Variants in CMIP observed in about 807,000 individuals in gnomAD.
The protein encoded by CMIP is c-Maf inducing protein, also known as C-Maf-inducing protein.
Under a neutral mutation model 97.3 loss-of-function variants are expected in CMIP, and 13 were observed. The ratio of observed to expected loss-of-function variants is 0.13; its 90% CI spans 0.09 to 0.21. CMIP has a LOEUF of 0.21. Among genes scored for constraint, CMIP ranks in the 10% least tolerant of loss-of-function variants. The pLI, the probability that CMIP is intolerant of heterozygous loss-of-function variation, is 1.00. For missense variants in CMIP, 847 were observed against 1,024.9 expected, an observed-to-expected ratio of 0.83 and a Z score of 2.37; for synonymous variants, 538 against 436.3, an observed-to-expected ratio of 1.23 and a Z score of -2.91.
At chr16:81,527,751 C>T (rs570078841) in intron 1 of CMIP, among the ~76,000 whole-genome samples, 1 of 152,222 alleles carries the variant, frequency 6.6e-6, no homozygotes, top group Non-Finnish European at 1.5e-5. Flanking sequence ...TGAGCTTCAT[C>T]TACATTCTGT....
chr16:81,492,244 C>T (rs1356501452), intron 1 of CMIP, among the ~76,000 whole-genome samples: 1 of 152,154 alleles, frequency 6.6e-6, no homozygotes, highest in African/African-American at 2.4e-5. Flanking sequence ...GTGCAAGCGT[C>T]CTTATTTTAA....
In CMIP at chr16:81,616,821, A is replaced by C. The variant is rs1305740292; in HGVS notation, c.427-4055A>C. Among the ~76,000 whole-genome samples the C allele has an allele frequency of 6.6e-6, 1 of 152,208 alleles. No individual in the cohort carries two copies. The highest frequency in any genetic ancestry group is 1.5e-5 in the Non-Finnish European group (1 of 68,030). On this transcript the variant is annotated intron_variant, in intron 2 of 20. Coordinates refer to ENST00000537098, the MANE Select transcript of CMIP (RefSeq NM_198390.3). The surrounding 1 kb of genome is among the most constrained non-coding windows in gnomAD (Gnocchi z 4.7). ...TGTCTGTGGTCAGTGGCTCTGAAGA[A>C]ATCCGTCCCAGGCCTTTAGACATCA...
chr16:81,524,502 G>A (rs533197720), intron 1 of CMIP, among the ~76,000 whole-genome samples: 2 of 152,376 alleles, frequency 1.3e-5, no homozygotes, highest in South Asian at 4.1e-4. Flanking sequence ...TTATCTGGAA[G>A]TCTTGGTGAG....
intron 1 of CMIP, among the ~76,000 whole-genome samples, chr16:81,604,672 C>G (rs577580627): frequency 3.6e-4 from 55 of 152,276 alleles, no homozygotes; most frequent in Non-Finnish European, 1.5e-5. Flanking sequence ...TGCAGTCCAG[C>G]CTGGGCGACA....
chr16:81,533,828 C>G (rs1044816484), intron 1 of CMIP: 1 of 152,280 alleles, frequency 6.6e-6, no homozygotes, highest in African/African-American at 2.4e-5. Context: ...GATCTGAGAG[C>G]ATGACCGGGG....
At chr16:81,697,082 G>A in intron 14 of CMIP, 1 of 224,400 alleles carries the variant, frequency 4.5e-6, no homozygotes, top group Non-Finnish European at 8.9e-6. Context: ...CCACCAGCTT[G>A]TTTAATCCTT....
At chr16:81,708,545 C>A (rs1313229830) in intron 20 of CMIP, among the ~76,000 whole-genome samples, 1 of 152,218 alleles carries the variant, frequency 6.6e-6, no homozygotes. Context: ...TTGAGAGAGA[C>A]ATGGTGCCAA....
intron 1 of CMIP, among the ~76,000 whole-genome samples, chr16:81,500,777 C>G (rs1015036420): frequency 2.0e-5 from 3 of 152,080 alleles, no homozygotes; most frequent in Non-Finnish European, 4.4e-5. Context: ...GCATGAGCCA[C>G]TGTGCCCTCC....
chr16:81,538,786 T>C (rs1049402959), intron 1 of CMIP, among the ~76,000 whole-genome samples: 2 of 152,192 alleles, frequency 1.3e-5, no homozygotes, highest in East Asian at 3.8e-4. Context: ...ACCAAGACTT[T>C]GTTATGATCT....
At position 81,680,302 on chromosome 16, in the gene CMIP, C is replaced by T. The variant is rs557482959; in HGVS notation, c.1388+1674C>T. ...TGCTCCTGGAGCCTGCTCAGGGTTT[C>T]GAGGGACAGAGGGCAGCTTCTGAGG... On this transcript the variant is annotated intron_variant, in intron 10 of 20. Coordinates refer to ENST00000537098, the MANE Select transcript of CMIP (RefSeq NM_198390.3). Among the ~76,000 whole-genome samples, 5 of 152,274 alleles carry T rather than the reference C, an allele frequency of 3.3e-5. No homozygotes were observed. In the South Asian group the frequency reaches 6.2e-4, roughly 19 times the overall value.
At chr16:81,552,092 G>A (rs1448020854) in intron 1 of CMIP, among the ~76,000 whole-genome samples, 2 of 152,182 alleles carry the variant, frequency 1.3e-5, no homozygotes, top group African/African-American at 4.8e-5. Flanking sequence ...GGAGGGACTT[G>A]TGTGACATCC....
intron 17 of CMIP, 45 bp downstream of exon 17, chr16:81,702,714 T>A (rs1222181590): frequency 1.9e-6 from 3 of 1,580,956 alleles, no homozygotes; most frequent in African/African-American, 2.7e-5. Flanking sequence ...AGAAGGTGGG[T>A]TGGTCCTCTC....
intron 13 of CMIP, among the ~76,000 whole-genome samples, chr16:81,694,148 T>C (rs1427233484): frequency 1.3e-5 from 2 of 151,554 alleles, no homozygotes; most frequent in Non-Finnish European, 1.5e-5. Flanking sequence ...TCTTCTATAG[T>C]ATTCCCAGTG....
chr16:81,670,303 T>A, intron 8 of CMIP, 58 bp downstream of exon 8: 1 of 1,530,608 alleles, frequency 6.5e-7, no homozygotes, highest in Non-Finnish European at 8.9e-7. Context: ...TCTCGGATCC[T>A]GTTTACTCAG....
At chr16:81,509,325 C>G (rs1223449677) in intron 1 of CMIP, among the ~76,000 whole-genome samples, 1 of 152,188 alleles carries the variant, frequency 6.6e-6, no homozygotes, top group East Asian at 1.9e-4. Flanking sequence ...CTGATGTGCC[C>G]TCAGCCTGCA....
chr16:81,626,817 G>A (rs1567618533), intron 3 of CMIP, among the ~76,000 whole-genome samples: 2 of 131,236 alleles, frequency 1.5e-5, no homozygotes, highest in Admixed American at 7.7e-5. Context: ...GTGTGTGTGT[G>A]GGGTGCATAT....
At chr16:81,549,511 G>A (rs2090612511) in intron 1 of CMIP, among the ~76,000 whole-genome samples, 1 of 152,178 alleles carries the variant, frequency 6.6e-6, no homozygotes, top group Non-Finnish European at 1.5e-5. Context: ...TCCCATGTAG[G>A]GGATTTTCAT....
intron 20 of CMIP, among the ~76,000 whole-genome samples, chr16:81,709,284 A>G (rs1209155666): frequency 1.2e-4 from 18 of 152,028 alleles, no homozygotes; most frequent in Admixed American, 1.1e-3. Context: ...AATGAGAACA[A>G]TTTCCTTTCA....
chr16:81,694,573 A>C (rs1325087386), intron 13 of CMIP, among the ~76,000 whole-genome samples: 2 of 152,216 alleles, frequency 1.3e-5, no homozygotes, highest in African/African-American at 4.8e-5. Context: ...ACAGTTTATC[A>C]GGCTGTAATT....
Sources: allele counts gnomAD v4.1 joint callset (sites outside exome capture counted in the v4.1 genomes callset), GRCh38; gene constraint gnomAD v4.1.1; non-coding constraint Gnocchi (gnomAD v3.1); transcripts MANE v1.5; gene names NCBI Gene and HGNC (gene_info 2026-07-23, HGNC 2026-07-21).